Variants in KLC1 observed in about 807,000 individuals in gnomAD.
KLC1 encodes kinesin light chain 1, also known as kinesin 2 60/70kDa.
KLC1 carries 30 observed loss-of-function variants against 84.2 expected under a neutral mutation model. That is an observed-to-expected ratio of 0.36 (90% CI 0.27 to 0.48). The LOEUF is 0.48. Among genes scored for constraint, KLC1 ranks in the 20% least tolerant of loss-of-function variants. The pLI, the probability that KLC1 is intolerant of heterozygous loss-of-function variation, is 0.99. For synonymous variants in KLC1, 289 were observed against 293.3 expected (o/e 0.99, Z 0.15); for missense variants, 499 against 805.4 (o/e 0.62, Z 4.60).
intron 13 of KLC1, 59 bp downstream of exon 13, chr14:103,679,604 A>G (rs2081191800): frequency 7.5e-7 from 1 of 1,329,926 alleles, no homozygotes; most frequent in Non-Finnish European, 1.1e-6. Context: ...GGCGCTTGCC[A>G]GGCCTTCCTC....
At chr14:103,684,569 CTGG>C (rs2081625819) in intron 13 of KLC1, among the ~76,000 whole-genome samples, 1 of 152,212 alleles carries the variant, frequency 6.6e-6, no homozygotes, top group African/African-American at 2.4e-5. Context: ...ACCCCAGGTG[CTGG>C]TCTGGGTCTG....
chr14:103,647,126 C>A lies in KLC1; in HGVS notation c.-1-7438C>A, dbSNP rs563443865. ...CTGTCAAGTAGGATGTTGAATAATA[C>A]AAACATGCTACAGTTACCTTGTCTA... On this transcript the variant is annotated intron_variant, in intron 1 of 16. Transcript: ENST00000334553. Among the ~76,000 whole-genome samples the A allele has an allele frequency of 2.0e-5, 3 of 152,268 alleles. No individual in the cohort carries two copies. In the East Asian group the frequency reaches 5.8e-4, roughly 29 times the overall value.
intron 13 of KLC1, chr14:103,686,623 A>C (rs564502265): frequency 2.0e-5 from 3 of 152,264 alleles, no homozygotes; most frequent in Non-Finnish European, 4.4e-5. Flanking sequence ...TTTAGACGAA[A>C]CTGTTAAAAG....
chr14:103,676,860 TAAGAA>T (rs2080932632), intron 11 of KLC1, among the ~76,000 whole-genome samples: 1 of 151,858 alleles, frequency 6.6e-6, no homozygotes, highest in African/African-American at 2.4e-5. Flanking sequence ...GTTTGAAAAA[TAAGAA>T]AGAAAGAAAG....
chr14:103,680,342 AGG>A (rs1473261971), intron 13 of KLC1, among the ~76,000 whole-genome samples: 2 of 151,410 alleles, frequency 1.3e-5, no homozygotes, highest in East Asian at 3.9e-4. Flanking sequence ...GGAGAATTGA[AGG>A]CGGCATTTGA....
chr14:103,695,698 T>C, intron 15 of KLC1: 1 of 985,440 alleles, frequency 1.0e-6, no homozygotes, highest in Non-Finnish European at 1.2e-6. Flanking sequence ...GACGAGGTTG[T>C]GTGGGGCCTC....
intron 1 of KLC1, among the ~76,000 whole-genome samples, chr14:103,646,275 G>A (rs76151613): frequency 0.021 from 3,201 of 152,188 alleles, 77 homozygotes; most frequent in African/African-American, 0.054. Context: ...CATAAAGGAC[G>A]AATTAAAAGG....
chr14:103,664,664 A>T (rs912296224), intron 5 of KLC1, among the ~76,000 whole-genome samples: 2 of 151,276 alleles, frequency 1.3e-5, no homozygotes, highest in African/African-American at 4.9e-5. Flanking sequence ...ACAGGCATGC[A>T]CCACTACACC....
intron 4 of KLC1, 128 bp from the exon 5 acceptor site, chr14:103,662,574 A>C: frequency 1.4e-6 from 1 of 727,832 alleles, no homozygotes; most frequent in South Asian, 1.9e-5. Context: ...GTACTAGGAA[A>C]AGATTTAAAT....
At chr14:103,690,323 A>G (rs909803993) in intron 14 of KLC1, among the ~76,000 whole-genome samples, 3 of 152,192 alleles carry the variant, frequency 2.0e-5, no homozygotes, top group Non-Finnish European at 2.9e-5. Context: ...GACTCCAGCA[A>G]TGTCTGTTGT....
intron 15 of KLC1, chr14:103,695,006 C>T: frequency 5.1e-6 from 5 of 985,436 alleles, no homozygotes; most frequent in Non-Finnish European, 6.0e-6. Flanking sequence ...AGCTGCTCGC[C>T]TGTGGCCGTG....
intron 11 of KLC1, among the ~76,000 whole-genome samples, chr14:103,676,301 T>C (rs1271119080): frequency 6.6e-6 from 1 of 151,994 alleles, no homozygotes; most frequent in Non-Finnish European, 1.5e-5. Flanking sequence ...GGAGTTTCGC[T>C]CTTGTCTCCC....
At chr14:103,701,070 A>C in intron 16 of KLC1, 131 bp from the exon 17 acceptor site, 1 of 1,169,144 alleles carries the variant, frequency 8.6e-7, no homozygotes, top group Non-Finnish European at 1.2e-6. Context: ...AGGGAGGCTC[A>C]CAACCAGCAA....
chr14:103,651,502 A>G (rs574833363), intron 1 of KLC1, among the ~76,000 whole-genome samples: 48 of 152,198 alleles, frequency 3.2e-4, no homozygotes, highest in African/African-American at 1.2e-3. Flanking sequence ...GGCACCGTTT[A>G]TTATATAAGC....
chr14:103,643,532 G>C (rs1243264220), intron 1 of KLC1, among the ~76,000 whole-genome samples: 1 of 152,224 alleles, frequency 6.6e-6, no homozygotes, highest in East Asian at 1.9e-4. Flanking sequence ...CCGTGACACA[G>C]CCCTCAGGAA....
intron 5 of KLC1, among the ~76,000 whole-genome samples, chr14:103,663,345 G>A (rs1372605713): frequency 1.3e-5 from 2 of 152,132 alleles, no homozygotes; most frequent in Admixed American, 6.5e-5. Flanking sequence ...CTCCCAAAAC[G>A]CTGGGATTAC....
chr14:103,663,034 C>T, intron 5 of KLC1, 107 bp downstream of exon 5: 1 of 682,532 alleles, frequency 1.5e-6, no homozygotes, highest in South Asian at 2.5e-5. Flanking sequence ...ATTTTTCAAC[C>T]ATATCCACTT....
At chr14:103,633,675 A>G (rs983727849) in intron 1 of KLC1, among the ~76,000 whole-genome samples, 5 of 151,780 alleles carry the variant, frequency 3.3e-5, no homozygotes, top group African/African-American at 7.3e-5. Context: ...TCCTCTGAGC[A>G]CCCCACCCTG....
chr14:103,646,957 T>C (rs1230997805), intron 1 of KLC1, among the ~76,000 whole-genome samples: 1 of 152,162 alleles, frequency 6.6e-6, no homozygotes, highest in African/African-American at 2.4e-5. Context: ...TGGATTACTT[T>C]AGAGGTAAAG....
Sources: gnomAD v4.1 joint callset for allele counts (sites outside exome capture counted in the v4.1 genomes callset) on GRCh38, gnomAD v4.1.1 for gene constraint, MANE v1.5 for transcripts, NCBI Gene and HGNC (gene_info 2026-07-23, HGNC 2026-07-21) for gene names.